LRRC4C: variants seen among roughly 807,000 people sequenced by gnomAD.
LRRC4C encodes leucine rich repeat containing 4C, also known as leucine-rich repeat-containing protein 4C.
Under a neutral mutation model 33.6 loss-of-function variants are expected in LRRC4C, and 5 were observed. That is an observed-to-expected ratio of 0.15 (90% CI 0.08 to 0.31). The LOEUF (loss-of-function observed/expected upper bound fraction) is 0.31. Among genes scored for constraint, LRRC4C ranks in the 10% least tolerant of loss-of-function variants. LRRC4C has a pLI of 1.00. For synonymous variants in LRRC4C, 329 were observed against 302.0 expected (o/e 1.09, Z -0.93); for missense variants, 560 against 796.7 (o/e 0.70, Z 3.58).
chr11:40,538,680 A>G (rs1024519537), intron 3 of LRRC4C, among the ~76,000 whole-genome samples: 2 of 152,122 alleles, frequency 1.3e-5, no homozygotes, highest in Admixed American at 1.3e-4. Flanking sequence ...TAGTATTTCT[A>G]GTTACTCTAG....
intron 4 of LRRC4C, among the ~76,000 whole-genome samples, chr11:40,264,781 A>G (rs1033027024): frequency 1.3e-5 from 2 of 152,206 alleles, no homozygotes; most frequent in African/African-American, 4.8e-5. Context: ...GTACTGGAGA[A>G]GAATGGGGGC....
At chr11:40,577,832 CT>C (rs56061263) in intron 3 of LRRC4C, among the ~76,000 whole-genome samples, 3,984 of 119,218 alleles carry the variant, frequency 0.033, 28 homozygotes, top group Admixed American at 0.041. Flanking sequence ...TTTCTTTTTT[CT>C]TTTTTTTTTT....
chr11:41,161,724 T>C (rs892891541), intron 1 of LRRC4C, among the ~76,000 whole-genome samples: 3 of 152,204 alleles, frequency 2.0e-5, no homozygotes, highest in Non-Finnish European at 4.4e-5. Flanking sequence ...GTTCATCTTA[T>C]GTGCATGTGA....
chr11:41,432,924 T>G (rs1245471795), intron 1 of LRRC4C, among the ~76,000 whole-genome samples: 2 of 152,116 alleles, frequency 1.3e-5, no homozygotes, highest in African/African-American at 4.8e-5. Context: ...TACTTTGAAT[T>G]AGAGACAACA....
intron 1 of LRRC4C, among the ~76,000 whole-genome samples, chr11:41,341,806 T>C (rs1951647687): frequency 6.6e-6 from 1 of 152,216 alleles, no homozygotes; most frequent in Admixed American, 6.5e-5. Context: ...ATTCTGGCCA[T>C]AATCTCTATC....
chr11:40,934,889 G>C (rs1177956717), intron 1 of LRRC4C, among the ~76,000 whole-genome samples: 1 of 152,090 alleles, frequency 6.6e-6, no homozygotes, highest in Non-Finnish European at 1.5e-5. Context: ...GGAGCTCCCT[G>C]CCACCACCAA....
At chr11:40,647,520 C>G (rs1435503928) in intron 3 of LRRC4C, among the ~76,000 whole-genome samples, 2 of 152,226 alleles carry the variant, frequency 1.3e-5, no homozygotes, top group East Asian at 1.9e-4. Context: ...AGCTTACAAA[C>G]TGCCACTTGT....
intron 1 of LRRC4C, among the ~76,000 whole-genome samples, chr11:41,406,680 C>G (rs978820140): frequency 6.9e-6 from 1 of 145,592 alleles, no homozygotes; most frequent in African/African-American, 2.6e-5. Context: ...TCAAAGTATT[C>G]CTCTTTCCTC....
intron 1 of LRRC4C, among the ~76,000 whole-genome samples, chr11:40,972,763 T>C (rs1851814802): frequency 6.6e-6 from 1 of 152,164 alleles, no homozygotes; most frequent in Non-Finnish European, 1.5e-5. Context: ...CCTCATGATA[T>C]AATCACTTCC....
intron 1 of LRRC4C, among the ~76,000 whole-genome samples, chr11:41,451,291 T>C (rs1219043470): frequency 1.3e-5 from 2 of 151,996 alleles, no homozygotes; most frequent in African/African-American, 4.8e-5. Flanking sequence ...CGTTCTGAGG[T>C]TCAGGAATAG....
intron 1 of LRRC4C, among the ~76,000 whole-genome samples, chr11:41,340,964 C>T (rs1951616139): frequency 6.6e-6 from 1 of 152,170 alleles, no homozygotes; most frequent in Admixed American, 6.5e-5. Context: ...GTGATTGCGT[C>T]TGCCTCTCAA....
intron 3 of LRRC4C, among the ~76,000 whole-genome samples, chr11:40,625,830 C>A (rs1377133489): frequency 6.6e-6 from 1 of 151,988 alleles, no homozygotes; most frequent in Non-Finnish European, 1.5e-5. Flanking sequence ...TATAACAAAC[C>A]TTTTCCAAAC....
At chr11:40,235,232 A>G (rs1265469702) in intron 5 of LRRC4C, among the ~76,000 whole-genome samples, 3 of 152,258 alleles carry the variant, frequency 2.0e-5, no homozygotes, top group Non-Finnish European at 4.4e-5. Flanking sequence ...CTTGTCTCAC[A>G]CAATTATGCA....
At chr11:40,788,529 T>G (rs1336012090) in intron 2 of LRRC4C, among the ~76,000 whole-genome samples, 1 of 152,168 alleles carries the variant, frequency 6.6e-6, no homozygotes, top group Non-Finnish European at 1.5e-5. Flanking sequence ...TAGAACCAAT[T>G]AGGTTAATTG....
chr11:40,904,807 T>C (rs1956348285), intron 2 of LRRC4C, among the ~76,000 whole-genome samples: 1 of 152,186 alleles, frequency 6.6e-6, no homozygotes, highest in African/African-American at 2.4e-5. Flanking sequence ...CAAAGCCTTC[T>C]TTATGTCTTG....
chr11:40,798,562 C>A (rs957784109), intron 2 of LRRC4C, among the ~76,000 whole-genome samples: 5 of 151,646 alleles, frequency 3.3e-5, no homozygotes, highest in African/African-American at 9.7e-5. Flanking sequence ...AATAACAATA[C>A]TATAGATGCA....
At chr11:41,151,583 T>A (rs79514961) in intron 1 of LRRC4C, among the ~76,000 whole-genome samples, 1 of 152,152 alleles carries the variant, frequency 6.6e-6, no homozygotes, top group African/African-American at 2.4e-5. Flanking sequence ...AACTGGGGAA[T>A]CTCACTAAAG....
At chr11:40,497,668 C>T (rs993906163) in intron 3 of LRRC4C, among the ~76,000 whole-genome samples, 1 of 152,136 alleles carries the variant, frequency 6.6e-6, no homozygotes. Flanking sequence ...CAGTGTAGCT[C>T]CCATTTGCAT....
intron 1 of LRRC4C, among the ~76,000 whole-genome samples, chr11:40,947,043 G>C (rs1026052354): frequency 2.0e-5 from 3 of 152,108 alleles, no homozygotes; most frequent in African/African-American, 4.8e-5. Flanking sequence ...AGTTAAGGCA[G>C]AAGTCGTACA....
Sources: allele counts gnomAD v4.1 joint callset (sites outside exome capture counted in the v4.1 genomes callset), GRCh38; gene constraint gnomAD v4.1.1; transcripts MANE v1.5; gene names NCBI Gene and HGNC (gene_info 2026-07-23, HGNC 2026-07-21).